Variants in WDR70 observed in about 807,000 individuals in gnomAD.
WDR70 encodes WD repeat domain 70.
WDR70 carries 53 observed loss-of-function variants against 88.6 expected under a neutral mutation model. The observed-to-expected ratio is 0.60, with a 90% CI of 0.48 to 0.75. WDR70 has a LOEUF of 0.75. Ranked by LOEUF, WDR70 falls within the 30% of genes least tolerant of loss-of-function variation. WDR70 has a pLI of 0.00. For missense variants in WDR70, 610 were observed against 823.2 expected (o/e 0.74, Z 3.17); for synonymous variants, 280 against 270.0 (o/e 1.04, Z -0.36).
chr5:37,681,791 G>T (rs1317387634), intron 10 of WDR70, among the ~76,000 whole-genome samples: 1 of 152,106 alleles, frequency 6.6e-6, no homozygotes, highest in African/African-American at 2.4e-5. Flanking sequence ...CTTGATTGTG[G>T]TGGATAAGCT....
intron 7 of WDR70, among the ~76,000 whole-genome samples, chr5:37,476,984 G>A (rs764859112): frequency 1.4e-4 from 22 of 152,216 alleles, no homozygotes; most frequent in Non-Finnish European, 2.6e-4. Flanking sequence ...GCATGTGGTT[G>A]AGAAAAATCA....
intron 11 of WDR70, among the ~76,000 whole-genome samples, chr5:37,699,714 G>A (rs147346178): frequency 0.031 from 4,787 of 152,078 alleles, 100 homozygotes; most frequent in Middle Eastern, 0.11. Flanking sequence ...TTGGGAGGCC[G>A]AGGCAGGTGG....
At chr5:37,544,278 CA>C (rs1741921169) in intron 9 of WDR70, among the ~76,000 whole-genome samples, 1 of 152,048 alleles carries the variant, frequency 6.6e-6, no homozygotes, top group Non-Finnish European at 1.5e-5. Flanking sequence ...TGGAGAGGCA[CA>C]GTGCCAAAGA....
intron 7 of WDR70, among the ~76,000 whole-genome samples, chr5:37,468,683 C>A (rs1234106783): frequency 6.6e-6 from 1 of 152,074 alleles, no homozygotes; most frequent in East Asian, 1.9e-4. Context: ...CAATAGGACA[C>A]CAGAACTTAT....
chr5:37,568,900 A>T (rs1742819992), intron 9 of WDR70, among the ~76,000 whole-genome samples: 1 of 152,156 alleles, frequency 6.6e-6, no homozygotes, highest in South Asian at 2.1e-4. Flanking sequence ...CAATTATGAA[A>T]CTAAGCCCAA....
intron 7 of WDR70, among the ~76,000 whole-genome samples, chr5:37,447,062 A>C (rs917568131): frequency 6.6e-6 from 1 of 152,236 alleles, no homozygotes; most frequent in Non-Finnish European, 1.5e-5. Context: ...GCTAATATCC[A>C]AAACCTACAA....
intron 10 of WDR70, among the ~76,000 whole-genome samples, chr5:37,617,828 G>A (rs1744387574): frequency 6.6e-6 from 1 of 152,114 alleles, no homozygotes. Context: ...ATACTTAAAA[G>A]GTGAAACATA....
At chr5:37,672,870 G>A (rs546501097) in intron 10 of WDR70, among the ~76,000 whole-genome samples, 38 of 152,228 alleles carry the variant, frequency 2.5e-4, no homozygotes, top group African/African-American at 9.1e-4. Flanking sequence ...CACAGGTGTG[G>A]AGGGGCAGGC....
chr5:37,659,664 G>GCC (rs1386734742), intron 10 of WDR70, among the ~76,000 whole-genome samples: 1 of 152,144 alleles, frequency 6.6e-6, no homozygotes, highest in African/African-American at 2.4e-5. Context: ...AGATCCAGGT[G>GCC]CCCCCAGATT....
intron 10 of WDR70, among the ~76,000 whole-genome samples, chr5:37,621,739 C>T (rs1465228918): frequency 6.6e-6 from 1 of 152,118 alleles, no homozygotes; most frequent in African/African-American, 2.4e-5. Context: ...TAATTTAGAT[C>T]CCATTTGTCA....
intron 13 of WDR70, among the ~76,000 whole-genome samples, chr5:37,714,744 C>A (rs187780527): frequency 1.3e-5 from 2 of 152,322 alleles, no homozygotes; most frequent in Admixed American, 1.3e-4. Context: ...CTGTTTGTTT[C>A]CTACTCACAG....
At chr5:37,408,092 C>T (rs150369227) in intron 5 of WDR70, among the ~76,000 whole-genome samples, 2 of 152,172 alleles carry the variant, frequency 1.3e-5, no homozygotes, top group East Asian at 1.9e-4. Context: ...CTGCGTCTGT[C>T]TTTTTTTCTG....
chr5:37,599,367 A>G (rs1743795098), intron 9 of WDR70, among the ~76,000 whole-genome samples: 1 of 152,198 alleles, frequency 6.6e-6, no homozygotes, highest in African/African-American at 2.4e-5. Context: ...CAGTTATTTA[A>G]GTTACATGGC....
chr5:37,609,564 G>A (rs890330937), intron 10 of WDR70, among the ~76,000 whole-genome samples: 1 of 152,218 alleles, frequency 6.6e-6, no homozygotes, highest in Non-Finnish European at 1.5e-5. Context: ...CTAGACACAG[G>A]TGATGGGAGG....
Position 37,379,517 on chromosome 5 carries a change from C to A in WDR70, c.54C>A (p.Asp18Glu). The A allele has an allele frequency of 1.9e-5, 30 of 1,614,006 alleles. No homozygotes were observed. The highest frequency in any genetic ancestry group is 2.5e-5 in the Non-Finnish European group (30 of 1,179,876). Reference protein sequence around the residue: ...EVTGSDASGPDPQLAVTMGFT... With the variant: ...EVTGSDASGPEPQLAVTMGFT... ...CAGGCTCAGACGCGTCGGGACCGGA[C>A]CCGCAGCTTGCGGTCACCATGGGCT... Residue 18 changes from aspartate (D) to glutamate (E), a missense_variant, in exon 2 of 18, where the codon GAC (aspartate) becomes GAA (glutamate). By Grantham distance (45) the Asp-to-Glu change is conservative. Transcript: ENST00000265107.
intron 10 of WDR70, among the ~76,000 whole-genome samples, chr5:37,609,226 GT>G (rs1366629661): frequency 6.6e-6 from 1 of 152,142 alleles, no homozygotes; most frequent in Non-Finnish European, 1.5e-5. Context: ...ATCTGTATAT[GT>G]GACTGATTTT....
chr5:37,404,786 G>A (rs1419099302), intron 5 of WDR70, among the ~76,000 whole-genome samples: 1 of 151,924 alleles, frequency 6.6e-6, no homozygotes, highest in Non-Finnish European at 1.5e-5. Context: ...TTATTATTTA[G>A]TATCAGGAGC....
intron 10 of WDR70, among the ~76,000 whole-genome samples, chr5:37,688,345 C>G (rs1488928085): frequency 1.3e-5 from 2 of 152,144 alleles, no homozygotes; most frequent in East Asian, 1.9e-4. Flanking sequence ...GTTCCTGGCC[C>G]AGTGCCCTTT....
At chr5:37,597,863 C>CT (rs1219015901) in intron 9 of WDR70, among the ~76,000 whole-genome samples, 4 of 152,202 alleles carry the variant, frequency 2.6e-5, no homozygotes, top group Non-Finnish European at 4.4e-5. Context: ...CTAAGACAGT[C>CT]TAATTTACCA....
Sources: allele counts gnomAD v4.1 joint callset (sites outside exome capture counted in the v4.1 genomes callset), GRCh38; gene constraint gnomAD v4.1.1; transcripts MANE v1.5; gene names NCBI Gene and HGNC (gene_info 2026-07-23, HGNC 2026-07-21).